POLK: variants seen among roughly 807,000 people sequenced by gnomAD.
The protein encoded by POLK is DNA polymerase kappa.
POLK carries 76 observed loss-of-function variants against 94.0 expected under a neutral mutation model. That is an observed-to-expected ratio of 0.81 (90% CI 0.67 to 0.98). The LOEUF (loss-of-function observed/expected upper bound fraction) is 0.98. Ranked by LOEUF, POLK falls within the 50% of genes least tolerant of loss-of-function variation. POLK has a pLI of 0.00. For missense variants in POLK, 954 were observed against 1,010.1 expected (o/e 0.94, Z 0.75); for synonymous variants, 349 against 325.4 (o/e 1.07, Z -0.78).
At chr5:75,535,276 T>C (rs1036636854) in intron 1 of POLK, among the ~76,000 whole-genome samples, 3 of 152,216 alleles carry the variant, frequency 2.0e-5, no homozygotes, top group Non-Finnish European at 4.4e-5. Context: ...ATGCTGAATA[T>C]AGGTCCCCAA....
At chr5:75,552,672 A>G in intron 3 of POLK, 81 bp downstream of exon 3, 1 of 1,279,222 alleles carries the variant, frequency 7.8e-7, no homozygotes, top group Non-Finnish European at 1.1e-6. Flanking sequence ...GTCATAACTG[A>G]AAACAAGATG....
intron 2 of POLK, among the ~76,000 whole-genome samples, chr5:75,550,471 C>G (rs1671774439): frequency 6.6e-6 from 1 of 151,888 alleles, no homozygotes. Flanking sequence ...CCCAGCTACT[C>G]AGGAGGCTGA....
At chr5:75,559,662 A>G (rs889036633) in intron 3 of POLK, among the ~76,000 whole-genome samples, 4 of 149,150 alleles carry the variant, frequency 2.7e-5, no homozygotes, top group Admixed American at 2.0e-4. Flanking sequence ...TCAGCCTCCC[A>G]AGTAGTGGGG....
At chr5:75,511,304 A>C (rs1767977944), upstream of POLK, 2 of 1,556,030 alleles carry the variant, frequency 1.3e-6, no homozygotes, top group Non-Finnish European at 1.7e-6. Context: ...GGGATGGCGA[A>C]GCGAAGAGTG....
At chr5:75,536,243 T>C (rs1286846952) in intron 1 of POLK, among the ~76,000 whole-genome samples, 2 of 152,188 alleles carry the variant, frequency 1.3e-5, no homozygotes, top group African/African-American at 4.8e-5. Flanking sequence ...ACTTTCTCTG[T>C]GCCTACATTT....
At chr5:75,571,284 G>A (rs939685942) in intron 4 of POLK, among the ~76,000 whole-genome samples, 1 of 152,114 alleles carries the variant, frequency 6.6e-6, no homozygotes, top group African/African-American at 2.4e-5. Flanking sequence ...GGGAGTGATT[G>A]TTTGATTATT....
intron 1 of POLK, among the ~76,000 whole-genome samples, chr5:75,531,768 G>T (rs958756051): frequency 6.6e-6 from 1 of 151,864 alleles, no homozygotes; most frequent in African/African-American, 2.4e-5. Context: ...CTCCAGCCTG[G>T]GTGACAGAGC....
At chr5:75,567,442 G>A (rs1172863948) in intron 3 of POLK, among the ~76,000 whole-genome samples, 1 of 152,104 alleles carries the variant, frequency 6.6e-6, no homozygotes, top group Non-Finnish European at 1.5e-5. Flanking sequence ...TTAAATTTTG[G>A]TAATATTGAA....
chr5:75,525,031 T>A (rs1217682641), intron 1 of POLK, among the ~76,000 whole-genome samples: 1 of 152,204 alleles, frequency 6.6e-6, no homozygotes, highest in Non-Finnish European at 1.5e-5. Flanking sequence ...TTTATTTGCC[T>A]GCTAAAACAA....
chr5:75,524,096 C>G (rs1768716564), intron 1 of POLK, among the ~76,000 whole-genome samples: 1 of 151,502 alleles, frequency 6.6e-6, no homozygotes, highest in Non-Finnish European at 1.5e-5. Flanking sequence ...CGCCACTGCA[C>G]TCCAGCCTGG....
At chr5:75,559,505 GTTTTTTTGTTTTGT>G (rs1770843183) in intron 3 of POLK, among the ~76,000 whole-genome samples, 1 of 70,080 alleles carries the variant, frequency 1.4e-5, no homozygotes, top group African/African-American at 4.8e-5. Context: ...TTTGGGGTTT[GTTTTTTTGTTTTGT>G]TTTGTTTTTT....
chr5:75,511,932 G>GGACAAGC lies in POLK; in HGVS notation c.-14+20_-14+21insCAAGCGA. 2.8e-6 allele frequency: 3 copies of GGACAAGC among 1,078,490 alleles called. No homozygotes were observed. The highest frequency in any genetic ancestry group is 2.7e-6 in the Non-Finnish European group (2 of 752,290). The allele number at this position is 1,078,490 out of a possible 1,614,324, so 66.8% of individuals were successfully genotyped here. ...GGTAACGGGTGAGTATCCCGCGCGGGGATCGCTTGTCCCCTTGGGGCCTTG... is the reference window on the plus strand; with the variant it reads ...GGTAACGGGTGAGTATCCCGCGCGGGGACAAGCGATCGCTTGTCCCCTTGGGGCCTTG... On this transcript the variant is annotated intron_variant, in intron 1 of 14. Coordinates refer to ENST00000241436, the Ensembl canonical transcript of POLK.
chr5:75,557,512 T>A (rs185419861), intron 3 of POLK, among the ~76,000 whole-genome samples: 1 of 152,310 alleles, frequency 6.6e-6, no homozygotes, highest in Admixed American at 6.5e-5. Context: ...GGAGTTACAT[T>A]TGGATAAACC....
Position 75,596,597 on chromosome 5 carries a change from G to A in POLK, c.1904G>A (p.Ser635Asn), listed in dbSNP as rs35501530. ...TGCTTTAGGGCTCAAGGGTGCATCAGTCTGGAAGCCTTGAATAAACATGTA... is the reference window on the plus strand; with the variant it reads ...TGCTTTAGGGCTCAAGGGTGCATCAATCTGGAAGCCTTGAATAAACATGTA... The change falls in exon 13 of 15, where the codon AGT becomes AAT. Residue 635 changes from serine (S) to asparagine (N), a missense_variant. Physicochemically the swap from Ser to Asn is conservative, Grantham distance 46 (BLOSUM62 1). Coordinates refer to ENST00000241436, the Ensembl canonical transcript of POLK. The A allele has an allele frequency of 2.0e-4, 326 of 1,613,934 alleles. 2 individuals are homozygous for A. The African/African-American group carries it at 3.9e-3, about 19-fold the overall frequency.
chr5:75,533,404 G>A (rs1253323850), intron 1 of POLK, among the ~76,000 whole-genome samples: 1 of 152,122 alleles, frequency 6.6e-6, no homozygotes, highest in Non-Finnish European at 1.5e-5. Context: ...TAGGCATGTG[G>A]TTGTACTTCT....
the POLK span, among the ~76,000 whole-genome samples, chr5:75,608,083 C>T: frequency 6.6e-6 from 1 of 152,126 alleles, no homozygotes; most frequent in Non-Finnish European, 1.5e-5. Context: ...TTTCAGGACT[C>T]AAAGACAAGT....
At chr5:75,517,330 GTTTTC>G (rs1414726448) in intron 1 of POLK, among the ~76,000 whole-genome samples, 3 of 151,838 alleles carry the variant, frequency 2.0e-5, no homozygotes, top group East Asian at 1.9e-4. Flanking sequence ...GTGTTTTATA[GTTTTC>G]TTTTACAGAT....
At chr5:75,608,579 G>T in the POLK span, among the ~76,000 whole-genome samples, 1 of 152,226 alleles carries the variant, frequency 6.6e-6, no homozygotes, top group Admixed American at 6.5e-5. Context: ...CATTTCAGTG[G>T]TAAGTGTTAC....
chr5:75,514,697 A>G (rs1768239588), intron 1 of POLK, among the ~76,000 whole-genome samples: 3 of 152,102 alleles, frequency 2.0e-5, no homozygotes, highest in Non-Finnish European at 1.5e-5. Flanking sequence ...TATAGAATTG[A>G]TTTTAGATTT....
Sources: gnomAD v4.1 joint callset for allele counts (sites outside exome capture counted in the v4.1 genomes callset) on GRCh38, gnomAD v4.1.1 for gene constraint, MANE v1.5 for transcripts, NCBI Gene and HGNC (gene_info 2026-07-23, HGNC 2026-07-21) for gene names.